Variants in PRB4 observed in about 807,000 individuals in gnomAD.
PRB4 encodes the protein basic salivary proline-rich protein 4.
In PRB4, 14 loss-of-function variants were observed where a neutral mutation model predicts 9.1. That is an observed-to-expected ratio of 1.54 (90% CI 1.02 to 2.41). The LOEUF is 2.41. Ranked by LOEUF, PRB4 falls within the 30% of genes most tolerant of loss-of-function variation. The pLI is 0.00. For missense variants in PRB4, 381 were observed against 299.3 expected, an observed-to-expected ratio of 1.27 and a Z score of -2.02; for synonymous variants, 102 against 108.5, an observed-to-expected ratio of 0.94 and a Z score of 0.37.
chr12:11,308,161 C>G (rs1862953043), intron 3 of PRB4, 60 bp downstream of exon 3: 1 of 1,538,028 alleles, frequency 6.5e-7, no homozygotes, highest in Non-Finnish European at 8.8e-7. Context: ...TTCATTGGCA[C>G]AATAAAGTTG....
intron 2 of PRB4, 55 bp downstream of exon 2, chr12:11,309,315 C>A: frequency 1.2e-6 from 2 of 1,613,328 alleles, no homozygotes; most frequent in Non-Finnish European, 1.7e-6. Flanking sequence ...AGAAATGATC[C>A]ATTTGTAAGC....
Position 11,308,307 on chromosome 12 carries a change from C to G in PRB4, c.676G>C (p.Gly226Arg). 2 of 1,610,282 alleles carry G rather than the reference C, an allele frequency of 1.2e-6. No individual in the cohort carries two copies. Among genetic ancestry groups the G allele is most frequent in the African/African-American group, 1.3e-5 (1 of 74,942 alleles). Residue 226 changes from glycine (G) to arginine (R), a missense_variant, in exon 3 of 4, where the codon GGG becomes CGG. Coordinates refer to ENST00000279575, the MANE Select transcript of PRB4 (RefSeq NM_002723.6). ...CCCCCTTGAGGAGGTGGAGGTGGCC[C>G]CTGGGGCTTTCCAGCAGGAGGTGCC... The part of the protein sequence containing the change: ...PQAPPAGKPQ[G>R]PPPPPQGGRP...
chr12:11,308,154 A>G (rs1263662963), intron 3 of PRB4, 67 bp downstream of exon 3: 2 of 1,523,784 alleles, frequency 1.3e-6, no homozygotes, highest in African/African-American at 2.8e-5. Flanking sequence ...TAGTTGATTC[A>G]TTGGCACAAT....
rs1441412604 is a variant in PRB4 at position 11,308,415 on chromosome 12, C to A, written c.568G>T (p.Glu190Ter). Residue 190 changes from glutamate (E) to a stop codon, truncating the protein, a stop_gained, in exon 3 of 4, where the codon GAA becomes TAA. Transcript: ENST00000279575. LOFTEE classifies it low-confidence loss of function (END_TRUNC). ...PGKPQGPPQQ[E>*]GNKPQGPPPP... ...GGGGGACCTTGAGGCTTGTTGCCTTCTTGTTGGGGTGGTCCTTGTGGCTTT... is the reference window on the plus strand; with the variant it reads ...GGGGGACCTTGAGGCTTGTTGCCTTATTGTTGGGGTGGTCCTTGTGGCTTT... 8 of 1,613,536 alleles carry A rather than the reference C, an allele frequency of 5.0e-6. No individual in the cohort carries two copies. Among genetic ancestry groups the A allele is most frequent in the Non-Finnish European group, 6.8e-6 (8 of 1,179,730 alleles).
chr12:11,309,370 C>G lies in PRB4; in HGVS notation c.100G>C (p.Gly34Arg). 1.2e-6 allele frequency: 2 copies of G among 1,614,042 alleles called. No individual in the cohort carries two copies. Among genetic ancestry groups the G allele is most frequent in the Non-Finnish European group, 1.7e-6 (2 of 1,179,960 alleles). Reference sequence around the variant, plus strand: ...AGATTGAGAATGAATTGGGATTTACCTGATATTAGGAAGAGAGATTCTTCC... The same window carrying G: ...AGATTGAGAATGAATTGGGATTTACGTGATATTAGGAAGAGAGATTCTTCC... ...SQEESLFLIS[G>R]KPEGRRPQGG... is the part of the protein sequence containing the mutation. The change falls in exon 2 of 4, where the codon GGA becomes CGA. Residue 34 changes from glycine (G) to arginine (R), a missense_variant and splice_region_variant. Gly to Arg is a moderately radical substitution (Grantham distance 125). This residue lies in a region of PRB4 where 151 missense variants were observed against 105.8 expected (regional missense o/e 1.43). Transcript: ENST00000279575.
At chr12:11,307,968 G>C (rs1233668824) in intron 3 of PRB4, among the ~76,000 whole-genome samples, 1 of 152,144 alleles carries the variant, frequency 6.6e-6, no homozygotes, top group Non-Finnish European at 1.5e-5. Context: ...AATGAACATG[G>C]TACTACCTCC....
rs746371018 is a variant in PRB4 at position 11,308,568 on chromosome 12, C to T, written c.415G>A (p.Gly139Arg). The change falls in exon 3 of 4, where the codon GGA becomes AGA. Residue 139 changes from glycine to arginine, a missense_variant. Gly to Arg is a moderately radical substitution (Grantham distance 125). This residue lies in a region of PRB4 where 204 missense variants were observed against 134.4 expected (regional missense o/e 1.52). Transcript: ENST00000279575. ...NQSHRPPPPP[G>R]KPERPPPQGG... ...TGTGGGGGTGGTCTTTCTGGCTTTC[C>T]TGGAGGAGGTGGGGGACGGTGGGAC... The T allele has an allele frequency of 1.3e-5, 21 of 1,570,754 alleles. No homozygotes were observed. The highest frequency in any genetic ancestry group is 1.8e-5 in the Non-Finnish European group (21 of 1,152,884).
At chr12:11,309,524 T>C (rs887326193) in intron 1 of PRB4, 119 bp from the exon 2 acceptor site, 1 of 1,580,354 alleles carries the variant, frequency 6.3e-7, no homozygotes, top group Non-Finnish European at 8.7e-7. Context: ...GGTTAACTCA[T>C]CAGCCACCAT....
chr12:11,309,027 G>T, intron 2 of PRB4, 145 bp from the exon 3 acceptor site: 2 of 1,232,034 alleles, frequency 1.6e-6, no homozygotes, highest in Non-Finnish European at 2.3e-6. Context: ...ACTCTGGAGT[G>T]GAACGCTGGG....
At chr12:11,309,347 A>G in intron 2 of PRB4, 23 bp downstream of exon 2, 1 of 1,614,128 alleles carries the variant, frequency 6.2e-7, no homozygotes, top group Non-Finnish European at 8.5e-7. Flanking sequence ...GTCAAAACAG[A>G]TTGAGAATGA....
intron 1 of PRB4, among the ~76,000 whole-genome samples, chr12:11,309,634 T>C (rs1863007203): frequency 6.6e-6 from 1 of 152,166 alleles, no homozygotes; most frequent in Non-Finnish European, 1.5e-5. Flanking sequence ...CCCCTTTTTT[T>C]CCTCCCTAGC....
Position 11,307,125 on chromosome 12 carries a change from A to G in PRB4, c.*93T>C, listed in dbSNP as rs1862928993. On this transcript the variant is annotated 3_prime_UTR_variant, in exon 4 of 4. Coordinates refer to ENST00000279575, the MANE Select transcript of PRB4 (RefSeq NM_002723.6). ...TTGGTATATTAAAGTTAGAGCTATG[A>G]TGACCTTGTTCCAATGTCACGGCAT... 3 of 154,528 alleles carry G rather than the reference A, an allele frequency of 1.9e-5. No individual in the cohort carries two copies. The highest frequency in any genetic ancestry group is 7.2e-5 in the African/African-American group (3 of 41,520). 9.6% of individuals were successfully genotyped at this position (154,528 alleles called of 1,614,324 possible).
rs996264922 is a variant in PRB4, at chr12:11,308,344, G to T, written c.639C>A (p.Pro213=). 20 of 1,610,020 alleles carry T rather than the reference G, an allele frequency of 1.2e-5. No homozygotes were observed. Among genetic ancestry groups the T allele is most frequent in the Non-Finnish European group, 1.6e-5 (19 of 1,177,216 alleles). The change falls in exon 3 of 4, where the codon CCC becomes CCA. Residue 213 remains proline (P), a synonymous_variant. Coordinates refer to ENST00000279575, the MANE Select transcript of PRB4 (RefSeq NM_002723.6). Reference sequence around the variant, plus strand: ...CAGCAGGAGGTGCCTGAGGCTGCTGGGGATTGCCTCCTGCTGGGGGTGGGC... The same window carrying T: ...CAGCAGGAGGTGCCTGAGGCTGCTGTGGATTGCCTCCTGCTGGGGGTGGGC... ...PQGPPPAGGN[P]QQPQAPPAGK... is the part of the protein sequence containing the mutation.
chr12:11,308,563 C>T lies in PRB4; in HGVS notation c.420G>A (p.Lys140=), dbSNP rs1352714416. 6.4e-7 allele frequency: 1 copy of T among 1,574,736 alleles called. No homozygotes were observed. Among genetic ancestry groups the T allele is most frequent in the African/African-American group, 1.4e-5 (1 of 69,838 alleles). The change falls in exon 3 of 4, where the codon AAG becomes AAA. Residue 140 remains lysine, a synonymous_variant. Transcript: ENST00000279575. ...QSHRPPPPPG[K]PERPPPQGGN... is the part of the protein sequence containing the mutation. ...CTCCTTGTGGGGGTGGTCTTTCTGG[C>T]TTTCCTGGAGGAGGTGGGGGACGGT...
rs117689254 is a variant in PRB4 at position 11,307,160 on chromosome 12, T to C, written c.*58A>G. On this transcript the variant is annotated 3_prime_UTR_variant, in exon 4 of 4. Transcript: ENST00000279575. Reference sequence around the variant, plus strand: ...TCCAATGTCACGGCATTTGTAGCAATTGAATTATTTGAATTCACTGATATC... The same window carrying C: ...TCCAATGTCACGGCATTTGTAGCAACTGAATTATTTGAATTCACTGATATC... 1,313 of 153,762 alleles carry C rather than the reference T, an allele frequency of 8.5e-3. 12 individuals are homozygous for C. Among genetic ancestry groups the C allele is most frequent in the Non-Finnish European group, 0.015 (1,047 of 68,036 alleles). 9.5% of individuals were successfully genotyped at this position (153,762 alleles called of 1,614,324 possible).
intron 2 of PRB4, 125 bp downstream of exon 2, chr12:11,309,245 C>G: frequency 6.6e-7 from 1 of 1,504,750 alleles, no homozygotes; most frequent in Non-Finnish European, 9.2e-7. Context: ...TTGCCTATAT[C>G]ATTAGGGGCA....
intron 1 of PRB4, among the ~76,000 whole-genome samples, chr12:11,309,720 C>T (rs1592190236): frequency 6.6e-6 from 1 of 152,160 alleles, no homozygotes; most frequent in African/African-American, 2.4e-5. Flanking sequence ...TTCTTATGCC[C>T]TCCATCTCCT....
At chr12:11,310,222 A>T in intron 1 of PRB4, 113 bp downstream of exon 1, 1 of 1,355,972 alleles carries the variant, frequency 7.4e-7, no homozygotes, top group Non-Finnish European at 1.1e-6. Context: ...GATCCTAGGC[A>T]TGAAAACTCT....
rs529711200 is a variant in PRB4, at chr12:11,308,426, G to T, written c.557C>A (p.Pro186Gln). 10 of 1,613,646 alleles carry T rather than the reference G, an allele frequency of 6.2e-6. 1 individual carries two copies. The South Asian group carries it at 7.7e-5, about 12-fold the overall frequency. The change falls in exon 3 of 4, where the codon CCA becomes CAA. Residue 186 changes from proline (P) to glutamine (Q), a missense_variant. Transcript: ENST00000279575. ...ARSPPGKPQGPPQQEGNKPQG... is the reference protein window; with the variant it reads ...ARSPPGKPQGQPQQEGNKPQG... ...AGGCTTGTTGCCTTCTTGTTGGGGT[G>T]GTCCTTGTGGCTTTCCTGGAGGAGA...
Sources: gnomAD v4.1 joint callset for allele counts (sites outside exome capture counted in the v4.1 genomes callset) on GRCh38, gnomAD v4.1.1 for gene constraint, gnomAD v4.1.1 regional missense constraint, MANE v1.5 for transcripts, NCBI Gene and HGNC (gene_info 2026-07-23, HGNC 2026-07-21) for gene names.